The following OGG1 variants were observed in gnomAD, a reference collection of about 807,000 sequenced individuals.
OGG1 encodes the protein 8-oxoguanine DNA glycosylase.
A neutral mutation model predicts 42.3 loss-of-function variants in OGG1; 35 were observed. The observed-to-expected ratio is 0.83, with a 90% CI of 0.63 to 1.10. The LOEUF (loss-of-function observed/expected upper bound fraction) is 1.10, where lower values mean the gene tolerates loss of function less well. Among genes scored for constraint, OGG1 ranks in the 50% least tolerant of loss-of-function variants. The probability of loss-of-function intolerance (pLI) is 0.00; values close to 1 mark genes in which losing one functional copy is unlikely to be tolerated. For missense variants in OGG1, 484 were observed against 446.7 expected, an observed-to-expected ratio of 1.08 and a Z score of -0.75; for synonymous variants, 189 against 179.0, an observed-to-expected ratio of 1.06 and a Z score of -0.44.
At chr3:9,783,740 T>G in intron 3 of OGG1, 1 of 306,130 alleles carries the variant, frequency 3.3e-6, no homozygotes, top group Non-Finnish European at 5.9e-6. Flanking sequence ...ATCATGCCAC[T>G]GCACTCCAGC....
intron 2 of OGG1, among the ~76,000 whole-genome samples, chr3:9,771,771 A>G (rs565005642): frequency 2.8e-4 from 40 of 144,154 alleles, no homozygotes; most frequent in African/African-American, 1.0e-3. Context: ...CCCCTGGGTG[A>G]TAAGATGACC....
In OGG1 at chr3:9,750,421, C is replaced by T. The variant is rs762463316; in HGVS notation, c.135C>T (p.Phe45=). The T allele has an allele frequency of 6.2e-7, 1 of 1,613,916 alleles. No individual in the cohort carries two copies. Among genetic ancestry groups the T allele is most frequent in the Admixed American group, 1.7e-5 (1 of 60,032 alleles). Residue 45 remains phenylalanine (F), a splice_region_variant and synonymous_variant, in exon 1 of 7, where the codon TTC becomes TTT. Coordinates refer to ENST00000344629, the MANE Select transcript of OGG1 (RefSeq NM_002542.6). ...LDLVLPSGQS[F]RWREQSPAHW... ...TGGTTCTGCCTTCTGGACAATCTTTCCGGTGAGTGACTGAGCCTGAGAAGC... is the reference window on the plus strand; with the variant it reads ...TGGTTCTGCCTTCTGGACAATCTTTTCGGTGAGTGACTGAGCCTGAGAAGC...
downstream of OGG1, among the ~76,000 whole-genome samples, chr3:9,771,622 T>C (rs2078300326): frequency 6.6e-6 from 1 of 152,058 alleles, no homozygotes; most frequent in Non-Finnish European, 1.5e-5. Context: ...CAAATCTCAG[T>C]ATCTCAGACT....
In OGG1 at chr3:9,751,136, A is replaced by G. The variant is rs1257361271; in HGVS notation, c.329A>G (p.Tyr110Cys). The G allele has an allele frequency of 2.5e-6, 4 of 1,614,238 alleles. No homozygotes were observed. The highest frequency in any genetic ancestry group is 3.4e-6 in the Non-Finnish European group (4 of 1,180,038). The change falls in exon 2 of 7, where the codon TAT becomes TGT. Residue 110 changes from tyrosine to cysteine, a missense_variant. Tyr to Cys is a radical substitution (Grantham distance 194). Transcript: ENST00000344629. ...CTAGATGTTACCCTGGCTCAACTGT[A>G]TCACCACTGGGGTTCCGTGGACTCC... ...FQLDVTLAQL[Y>C]HHWGSVDSHF...
At chr3:9,778,907 C>T (rs2078400413) in intron 2 of OGG1, among the ~76,000 whole-genome samples, 1 of 152,128 alleles carries the variant, frequency 6.6e-6, no homozygotes, top group African/African-American at 2.4e-5. Flanking sequence ...CCATGTTCGC[C>T]CTCCTTCTTT....
chr3:9,789,540 T>C, downstream of OGG1: 1 of 1,614,154 alleles, frequency 6.2e-7, no homozygotes, highest in Non-Finnish European at 8.5e-7. Context: ...TTCTGGGGGC[T>C]TCAGTAACTC....
At chr3:9,751,663 C>G (rs578132367) in intron 2 of OGG1, 107 bp from the exon 3 acceptor site, 1 of 1,025,208 alleles carries the variant, frequency 9.8e-7, no homozygotes, top group East Asian at 2.4e-5. Flanking sequence ...CTCTCATTCT[C>G]CTGGGATCCT....
chr3:9,755,507 A>G (rs1479472235), intron 4 of OGG1, among the ~76,000 whole-genome samples: 2 of 139,620 alleles, frequency 1.4e-5, no homozygotes, highest in African/African-American at 5.5e-5. Context: ...CTTTGTTGCC[A>G]GGCTGGAGTG....
chr3:9,752,187 CTG>C, intron 3 of OGG1: 5 of 580,684 alleles, frequency 8.6e-6, no homozygotes, highest in African/African-American at 3.7e-5. Flanking sequence ...AGAAAAATAT[CTG>C]TATACAATGT....
downstream of OGG1, chr3:9,760,804 C>G (rs955867139): frequency 2.5e-6 from 4 of 1,612,580 alleles, no homozygotes; most frequent in African/African-American, 1.3e-5. Flanking sequence ...TTTCCACTTT[C>G]GGGTGCCGTT....
downstream of OGG1, chr3:9,790,017 TC>T (rs1198978153): frequency 6.6e-7 from 1 of 1,525,110 alleles, no homozygotes; most frequent in African/African-American, 1.4e-5. Context: ...ACAGAATATC[TC>T]TTTCCTCTAG....
chr3:9,787,691 C>A, intron 3 of OGG1: 8 of 1,329,298 alleles, frequency 6.0e-6, no homozygotes, highest in Non-Finnish European at 7.9e-6. Context: ...TTTTGTATTG[C>A]TTGAATTTAC....
chr3:9,757,977 C>T, downstream of OGG1: 1 of 1,433,442 alleles, frequency 7.0e-7, no homozygotes, highest in Non-Finnish European at 9.2e-7. This position sits in a 1 kb window ranked among gnomAD's most constrained non-coding sequence, Gnocchi z 4.5. Context: ...ATTAATTCCC[C>T]TAAAGCCCCC....
downstream of OGG1, chr3:9,767,867 C>T: frequency 6.8e-7 from 1 of 1,476,278 alleles, no homozygotes; most frequent in Admixed American, 2.3e-5. Context: ...GTCATTCAAC[C>T]TGCATTTATT....
chr3:9,755,134 T>C lies in OGG1; in HGVS notation c.747+249T>C, dbSNP rs56269345. ...CAACACATATATGCTGCTATATATA[T>C]GCAGCAATTTCCAGAAGGAAATTGC... On this transcript the variant is annotated intron_variant, in intron 4 of 6. Coordinates refer to ENST00000344629, the MANE Select transcript of OGG1 (RefSeq NM_002542.6). 2.7e-3 allele frequency among the ~76,000 whole-genome samples: 412 copies of C among 152,348 alleles called. 1 individual carries two copies. The highest frequency in any genetic ancestry group is 9.2e-3 in the African/African-American group (384 of 41,588).
intron 3 of OGG1, chr3:9,787,120 A>C (rs754835460): frequency 6.8e-6 from 11 of 1,614,074 alleles, no homozygotes; most frequent in Admixed American, 1.7e-5. Flanking sequence ...CTAAGCGGGC[A>C]CAGGAAAGGA....
intron 3 of OGG1, 110 bp downstream of exon 3, chr3:9,752,059 A>C: frequency 6.9e-6 from 7 of 1,018,556 alleles, no homozygotes; most frequent in Non-Finnish European, 9.0e-6. Context: ...CACTTCCCCT[A>C]TCCAGAACCG....
intron 7 of OGG1, among the ~76,000 whole-genome samples, chr3:9,764,215 TGA>T (rs2078029321): frequency 6.6e-6 from 1 of 152,340 alleles, no homozygotes; most frequent in African/African-American, 2.4e-5. Context: ...GAGGATCATG[TGA>T]GATAATGCAG....
chr3:9,755,682 C>G (rs1475065727), intron 4 of OGG1, among the ~76,000 whole-genome samples: 1 of 151,696 alleles, frequency 6.6e-6, no homozygotes, highest in African/African-American at 2.4e-5. Flanking sequence ...CCAGGATGGT[C>G]TCAATCTGAC....
Sources: gnomAD v4.1 joint callset for allele counts (sites outside exome capture counted in the v4.1 genomes callset) on GRCh38, gnomAD v4.1.1 for gene constraint, Gnocchi (gnomAD v3.1) non-coding constraint, MANE v1.5 for transcripts, NCBI Gene and HGNC (gene_info 2026-07-23, HGNC 2026-07-21) for gene names.